MAP4K3: variants seen among roughly 807,000 people sequenced by gnomAD.
The protein encoded by MAP4K3 is mitogen-activated protein kinase kinase kinase kinase 3.
In MAP4K3, 94 loss-of-function variants were observed where a neutral mutation model predicts 143.5. The observed-to-expected ratio is 0.65, with a 90% CI of 0.55 to 0.78. MAP4K3 has a LOEUF of 0.78. MAP4K3 is among the 30% of genes least tolerant of loss of function. The pLI is 0.00. For missense variants in MAP4K3, 1,077 were observed against 1,068.1 expected (o/e 1.01, Z -0.12); for synonymous variants, 416 against 347.2 (o/e 1.20, Z -2.20).
At position 39,290,311 on chromosome 2, in the gene MAP4K3, G is replaced by A. The variant is rs865895437; in HGVS notation, c.1295C>T (p.Pro432Leu). 54 of 1,607,098 alleles carry A rather than the reference G, an allele frequency of 3.4e-5. No individual in the cohort carries two copies. Among genetic ancestry groups the A allele is most frequent in the Non-Finnish European group, 4.5e-5 (53 of 1,177,134 alleles). Residue 432 changes from proline (P) to leucine (L), a missense_variant, in exon 19 of 34, where the codon CCA (proline) becomes CTA (leucine). Pro to Leu is a moderately conservative substitution (Grantham distance 98, BLOSUM62 -3). This residue lies in a region of MAP4K3 where 864 missense variants were observed against 801.2 expected (regional missense o/e 1.08). Coordinates refer to ENST00000263881, the MANE Select transcript of MAP4K3 (RefSeq NM_003618.4). ...GTCTACCTTTGGTGGCAAAGGAGGT[G>A]GAATTTTTGCTTTCAGAGTTGAGCT... ...SKHSTLKAKI[P>L]PPLPPKPKSI...
chr2:39,339,609 C>G (rs552676525), intron 4 of MAP4K3, among the ~76,000 whole-genome samples: 7 of 152,206 alleles, frequency 4.6e-5, no homozygotes, highest in South Asian at 2.1e-4. Flanking sequence ...AACAAACACC[C>G]ACATAAAACC....
At chr2:39,395,328 TACACAC>T (rs10549757) in intron 1 of MAP4K3, among the ~76,000 whole-genome samples, 5,179 of 148,824 alleles carry the variant, frequency 0.035, 137 homozygotes, top group African/African-American at 0.077. Context: ...CACGTACACA[TACACAC>T]ACACACACAC....
At chr2:39,374,405 G>C (rs1220785898) in intron 2 of MAP4K3, among the ~76,000 whole-genome samples, 1 of 152,056 alleles carries the variant, frequency 6.6e-6, no homozygotes, top group Non-Finnish European at 1.5e-5. Flanking sequence ...AATTAGGCCA[G>C]GTTCGGTGGT....
At chr2:39,319,670 T>C (rs1683239658) in intron 12 of MAP4K3, among the ~76,000 whole-genome samples, 1 of 152,212 alleles carries the variant, frequency 6.6e-6, no homozygotes, top group African/African-American at 2.4e-5. Context: ...ATTTCTACTA[T>C]ATAAATGTCA....
At chr2:39,321,795 T>C (rs1161370592) in intron 12 of MAP4K3, among the ~76,000 whole-genome samples, 1 of 152,234 alleles carries the variant, frequency 6.6e-6, no homozygotes, top group Non-Finnish European at 1.5e-5. Context: ...AGCATTGAGA[T>C]GTTTATGTGT....
At chr2:39,397,273 T>A (rs1378860380) in intron 1 of MAP4K3, among the ~76,000 whole-genome samples, 3 of 152,058 alleles carry the variant, frequency 2.0e-5, no homozygotes, top group African/African-American at 7.2e-5. Flanking sequence ...ACTACAAACA[T>A]AAGAGAATTC....
At chr2:39,390,602 G>C (rs1485979043) in intron 1 of MAP4K3, among the ~76,000 whole-genome samples, 1 of 152,148 alleles carries the variant, frequency 6.6e-6, no homozygotes, top group Non-Finnish European at 1.5e-5. Context: ...AGGCACTGGA[G>C]GAAGGGATGC....
chr2:39,427,309 TAAAAA>T (rs1044162146), intron 1 of MAP4K3, among the ~76,000 whole-genome samples: 2 of 151,826 alleles, frequency 1.3e-5, no homozygotes, highest in Admixed American at 6.6e-5. Flanking sequence ...GTTCCTCACT[TAAAAA>T]GAAAAGTTAA....
At chr2:39,386,410 T>TAA (rs1185477365) in intron 1 of MAP4K3, among the ~76,000 whole-genome samples, 1 of 152,258 alleles carries the variant, frequency 6.6e-6, no homozygotes, top group Non-Finnish European at 1.5e-5. Context: ...TTATTTTTGA[T>TAA]AAAGTCCAAT....
intron 13 of MAP4K3, among the ~76,000 whole-genome samples, chr2:39,310,014 T>A (rs1037501579): frequency 1.3e-5 from 2 of 152,184 alleles, no homozygotes; most frequent in Non-Finnish European, 2.9e-5. Context: ...ATATTCATGG[T>A]GGTATATGCG....
At chr2:39,304,691 C>T (rs1382613198) in intron 15 of MAP4K3, among the ~76,000 whole-genome samples, 1 of 152,106 alleles carries the variant, frequency 6.6e-6, no homozygotes, top group Non-Finnish European at 1.5e-5. Flanking sequence ...GATAGAACTA[C>T]AAGTCCATTT....
At chr2:39,381,106 T>C (rs1375210757) in intron 1 of MAP4K3, among the ~76,000 whole-genome samples, 2 of 152,200 alleles carry the variant, frequency 1.3e-5, no homozygotes, top group Non-Finnish European at 2.9e-5. Flanking sequence ...TTGCACTTGG[T>C]GTAATGCTTT....
At chr2:39,390,386 C>A (rs1449717464) in intron 1 of MAP4K3, among the ~76,000 whole-genome samples, 5 of 152,182 alleles carry the variant, frequency 3.3e-5, no homozygotes, top group African/African-American at 4.8e-5. Context: ...ACTTGTAGAT[C>A]TGCTTTAAAT....
At chr2:39,391,378 A>AAAAAG (rs1553423384) in intron 1 of MAP4K3, among the ~76,000 whole-genome samples, 12 of 147,016 alleles carry the variant, frequency 8.2e-5, no homozygotes, top group East Asian at 1.9e-4. Context: ...AAAAAAAAAA[A>AAAAAG]AAAGAAAGAA....
chr2:39,386,817 G>GTTTTTTTTTTTT (rs774347519), intron 1 of MAP4K3, among the ~76,000 whole-genome samples: 1 of 32,162 alleles, frequency 3.1e-5, no homozygotes, highest in African/African-American at 7.7e-5. Flanking sequence ...TTTTTTTGTT[G>GTTTTTTTTTTTT]TTCTTTTTTT....
Position 39,288,257 on chromosome 2 carries a change from C to A in MAP4K3, c.1338G>T (p.Gln446His). The A allele has an allele frequency of 1.2e-6, 2 of 1,613,896 alleles. No homozygotes were observed. Among genetic ancestry groups the A allele is most frequent in the Non-Finnish European group, 1.7e-6 (2 of 1,179,926 alleles). The change falls in exon 20 of 34, where the codon CAG becomes CAT. Residue 446 changes from glutamine to histidine, a missense_variant. Transcript: ENST00000263881. The part of the protein sequence containing the change: ...PPKPKSIFIP[Q>H]EMHSTEDENQ... ...TTTCATCCTCAGTAGAATGCATTTC[C>A]TGTGGTATGAAGATAGACTTAGGCT...
intron 1 of MAP4K3, among the ~76,000 whole-genome samples, chr2:39,414,785 G>A (rs1667325861): frequency 6.6e-6 from 1 of 151,966 alleles, no homozygotes. Context: ...GCTGGGGCAG[G>A]AGAATCACTT....
intron 4 of MAP4K3, among the ~76,000 whole-genome samples, chr2:39,339,007 AG>A (rs1292336859): frequency 1.3e-5 from 2 of 152,252 alleles, no homozygotes; most frequent in Non-Finnish European, 2.9e-5. Flanking sequence ...ACACTAAAAT[AG>A]TTTTCTTTTT....
intron 1 of MAP4K3, among the ~76,000 whole-genome samples, chr2:39,384,849 A>G (rs1047410752): frequency 1.3e-5 from 2 of 151,998 alleles, no homozygotes; most frequent in Non-Finnish European, 2.9e-5. Context: ...TGTAACCACC[A>G]CCACCACCAC....
Sources: allele counts gnomAD v4.1 joint callset (sites outside exome capture counted in the v4.1 genomes callset), GRCh38; gene constraint gnomAD v4.1.1; regional missense constraint gnomAD v4.1.1; transcripts MANE v1.5; gene names NCBI Gene and HGNC (gene_info 2026-07-23, HGNC 2026-07-21).